LIPI: variants seen among roughly 807,000 people sequenced by gnomAD.
The protein encoded by LIPI is lipase member I.
Under a neutral mutation model 50.6 loss-of-function variants are expected in LIPI, and 59 were observed. The ratio of observed to expected loss-of-function variants is 1.16; its 90% CI spans 0.94 to 1.45. The LOEUF is 1.45. Ranked by LOEUF, LIPI falls within the 40% of genes most tolerant of loss-of-function variation. LIPI has a pLI of 0.00. For missense variants in LIPI, 586 were observed against 536.3 expected (o/e 1.09, Z -0.92); for synonymous variants, 203 against 178.2 (o/e 1.14, Z -1.11).
At chr21:14,159,999 G>C (rs1260391395) in intron 7 of LIPI, among the ~76,000 whole-genome samples, 1 of 151,344 alleles carries the variant, frequency 6.6e-6, no homozygotes, top group Non-Finnish European at 1.5e-5. Context: ...TATATGGAAA[G>C]ACATACCATA....
At chr21:14,210,623 A>G (rs921720252) in intron 1 of LIPI, among the ~76,000 whole-genome samples, 177 bp downstream of exon 1, 1 of 152,060 alleles carries the variant, frequency 6.6e-6, no homozygotes, top group African/African-American at 2.4e-5. Context: ...AAACACATGC[A>G]CACACACACG....
intron 7 of LIPI, among the ~76,000 whole-genome samples, chr21:14,161,707 AT>A (rs1417298743): frequency 1.1e-5 from 1 of 94,256 alleles, no homozygotes; most frequent in Non-Finnish European, 1.9e-5. Context: ...TATATACATT[AT>A]TATATATTAA....
intron 4 of LIPI, among the ~76,000 whole-genome samples, chr21:14,172,069 C>G (rs1001935837): frequency 6.6e-6 from 1 of 152,210 alleles, no homozygotes; most frequent in Non-Finnish European, 1.5e-5. Context: ...CATGAACCAA[C>G]ACTTCTCAAA....
intron 7 of LIPI, among the ~76,000 whole-genome samples, chr21:14,157,782 A>C (rs1247086296): frequency 1.3e-5 from 2 of 151,912 alleles, no homozygotes; most frequent in African/African-American, 4.8e-5. Context: ...CCAGGCCTTT[A>C]AATCAGATGG....
intron 9 of LIPI, among the ~76,000 whole-genome samples, chr21:14,113,354 G>A (rs910555106): frequency 1.3e-5 from 2 of 152,196 alleles, no homozygotes; most frequent in African/African-American, 4.8e-5. Flanking sequence ...CAAAAGTGAA[G>A]TGGAGACATG....
At chr21:14,129,256 A>G (rs941364130) in intron 9 of LIPI, among the ~76,000 whole-genome samples, 1 of 152,124 alleles carries the variant, frequency 6.6e-6, no homozygotes, top group African/African-American at 2.4e-5. Flanking sequence ...AACACTTTAC[A>G]TATATTATAC....
At chr21:14,137,888 G>T (rs1218362488) in intron 9 of LIPI, among the ~76,000 whole-genome samples, 1 of 152,136 alleles carries the variant, frequency 6.6e-6, no homozygotes, top group Non-Finnish European at 1.5e-5. Context: ...ATGTTATGGA[G>T]CTCCAGTACT....
chr21:14,183,402 G>C (rs1213084732), intron 3 of LIPI, among the ~76,000 whole-genome samples: 3 of 152,104 alleles, frequency 2.0e-5, no homozygotes, highest in Non-Finnish European at 4.4e-5. Context: ...TACCATTCAG[G>C]ACATAGGCAT....
chr21:14,135,209 A>G (rs1480379851), intron 9 of LIPI, among the ~76,000 whole-genome samples: 1 of 152,196 alleles, frequency 6.6e-6, no homozygotes, highest in Non-Finnish European at 1.5e-5. Context: ...TAATCATCAG[A>G]GAAATGCAAA....
chr21:14,141,642 T>C (rs1178633033), intron 9 of LIPI, among the ~76,000 whole-genome samples: 1 of 5,380 alleles, frequency 1.9e-4, no homozygotes, highest in Non-Finnish European at 2.9e-4. Context: ...TGTTGTTTTG[T>C]TGTGTTTTTC....
chr21:14,121,367 C>T (rs1185548141), intron 9 of LIPI, among the ~76,000 whole-genome samples: 1 of 152,132 alleles, frequency 6.6e-6, no homozygotes, highest in African/African-American at 2.4e-5. Context: ...AGGTATTACC[C>T]ATGGTCCTTC....
intron 7 of LIPI, among the ~76,000 whole-genome samples, chr21:14,160,963 TA>T (rs777224830): frequency 6.6e-6 from 1 of 151,508 alleles, no homozygotes; most frequent in Non-Finnish European, 1.5e-5. Context: ...ATTTTTAAAA[TA>T]ATGACACCAC....
At chr21:14,175,154 T>A (rs1238294919) in intron 4 of LIPI, among the ~76,000 whole-genome samples, 1 of 152,178 alleles carries the variant, frequency 6.6e-6, no homozygotes, top group Non-Finnish European at 1.5e-5. Flanking sequence ...TTTGAACACA[T>A]ATATTAATGC....
chr21:14,147,208 C>T (rs966522257), intron 8 of LIPI, among the ~76,000 whole-genome samples: 1 of 152,138 alleles, frequency 6.6e-6, no homozygotes, highest in Non-Finnish European at 1.5e-5. Context: ...TGCTGTTCAC[C>T]ATTCAGGACT....
chr21:14,112,727 C>T (rs1260309061), intron 9 of LIPI, among the ~76,000 whole-genome samples: 2 of 151,938 alleles, frequency 1.3e-5, no homozygotes, highest in East Asian at 3.9e-4. Flanking sequence ...GAATCATACT[C>T]TTATAAGACA....
At chr21:14,133,116 A>G (rs1364021786) in intron 9 of LIPI, among the ~76,000 whole-genome samples, 1 of 152,204 alleles carries the variant, frequency 6.6e-6, no homozygotes, top group African/African-American at 2.4e-5. Flanking sequence ...AACAACTCCA[A>G]AAATTGAGGA....
At chr21:14,209,757 GAT>G (rs1412182232) in intron 1 of LIPI, among the ~76,000 whole-genome samples, 4 of 152,040 alleles carry the variant, frequency 2.6e-5, no homozygotes, top group Non-Finnish European at 5.9e-5. Flanking sequence ...TGTAAACTAT[GAT>G]ATTAAAATGA....
chr21:14,179,968 C>T (rs1031157406), intron 4 of LIPI, among the ~76,000 whole-genome samples: 1 of 152,090 alleles, frequency 6.6e-6, no homozygotes, highest in African/African-American at 2.4e-5. Flanking sequence ...TATAAACGGA[C>T]GTGCAAGCAG....
intron 8 of LIPI, among the ~76,000 whole-genome samples, chr21:14,151,418 CTA>C (rs1229574240): frequency 1.3e-5 from 2 of 152,174 alleles, no homozygotes; most frequent in Non-Finnish European, 2.9e-5. Context: ...CTGTAACTAC[CTA>C]TACTGTGACA....
Sources: allele counts gnomAD v4.1 joint callset (sites outside exome capture counted in the v4.1 genomes callset), GRCh38; gene constraint gnomAD v4.1.1; transcripts MANE v1.5; gene names NCBI Gene and HGNC (gene_info 2026-07-23, HGNC 2026-07-21).